ZNF385D: variants seen among roughly 807,000 people sequenced by gnomAD.
The protein encoded by ZNF385D is zinc finger protein 385D, also known as zinc finger protein 659.
A neutral mutation model predicts 35.8 loss-of-function variants in ZNF385D; 15 were observed. The observed-to-expected ratio is 0.42, with a 90% CI of 0.28 to 0.64. The LOEUF is 0.64. Among genes scored for constraint, ZNF385D ranks in the 30% least tolerant of loss-of-function variants. The probability of loss-of-function intolerance (pLI) is 0.23; values close to 1 mark genes in which losing one functional copy is unlikely to be tolerated. For synonymous variants in ZNF385D, 212 were observed against 186.8 expected (o/e 1.13, Z -1.10); for missense variants, 474 against 494.6 (o/e 0.96, Z 0.39).
At chr3:22,185,309 C>T (rs1559436720) in intron 2 of ZNF385D, among the ~76,000 whole-genome samples, 1 of 152,142 alleles carries the variant, frequency 6.6e-6, no homozygotes, top group Non-Finnish European at 1.5e-5. Flanking sequence ...TTGTGTCATA[C>T]TCGTTTGTAA....
intron 3 of ZNF385D, among the ~76,000 whole-genome samples, chr3:21,523,973 C>T (rs1361014029): frequency 6.6e-6 from 1 of 152,098 alleles, no homozygotes; most frequent in East Asian, 1.9e-4. Context: ...AATGAGTAAT[C>T]ATTTGGCTAA....
At chr3:22,162,562 T>C (rs887733865) in intron 3 of ZNF385D, among the ~76,000 whole-genome samples, 8 of 152,146 alleles carry the variant, frequency 5.3e-5, no homozygotes, top group African/African-American at 1.9e-4. Flanking sequence ...TTTATAGGCA[T>C]AACAAGACAG....
chr3:21,482,900 A>G (rs1341984849), intron 4 of ZNF385D, among the ~76,000 whole-genome samples: 1 of 152,146 alleles, frequency 6.6e-6, no homozygotes, highest in East Asian at 1.9e-4. Flanking sequence ...TCTGTGTAGT[A>G]TTCATCTAGA....
At chr3:21,436,187 A>G (rs1054443344) in intron 5 of ZNF385D, among the ~76,000 whole-genome samples, 1 of 151,854 alleles carries the variant, frequency 6.6e-6, no homozygotes, top group Admixed American at 6.6e-5. Flanking sequence ...ATGAGGGGGT[A>G]TATATATATA....
At chr3:22,357,924 G>A (rs910119664) in intron 2 of ZNF385D, among the ~76,000 whole-genome samples, 1 of 151,800 alleles carries the variant, frequency 6.6e-6, no homozygotes, top group African/African-American at 2.4e-5. Flanking sequence ...AGAAATATTA[G>A]GAAACAGATT....
rs963744864 is a variant in ZNF385D at position 22,072,110 on chromosome 3, G to A, written c.325+96707C>T. Among the ~76,000 whole-genome samples, 77 of 152,020 alleles carry A rather than the reference G, an allele frequency of 5.1e-4. 1 individual carries two copies. The highest frequency in any genetic ancestry group is 1.7e-3 in the African/African-American group (72 of 41,494). ...ATATTAGTAACTATGATGAAATTAG[G>A]CATTGAAGAAACAGAATCATGAGAT... On this transcript the variant is annotated intron_variant, in intron 3 of 5. Coordinates refer to the ZNF385D transcript ENST00000494108.
At chr3:21,791,698 G>T (rs1022891965) in intron 3 of ZNF385D, among the ~76,000 whole-genome samples, 1 of 152,136 alleles carries the variant, frequency 6.6e-6, no homozygotes, top group Non-Finnish European at 1.5e-5. Flanking sequence ...TTAAGTAATA[G>T]TTACTCACAG....
chr3:21,515,888 A>C lies in ZNF385D; in HGVS notation c.277-4865T>G, dbSNP rs183499197. Among the ~76,000 whole-genome samples, 20 of 152,328 alleles carry C rather than the reference A, an allele frequency of 1.3e-4. No homozygotes were observed. In the South Asian group the frequency reaches 3.9e-3, roughly 30 times the overall value. On this transcript the variant is annotated intron_variant, in intron 3 of 7. Coordinates refer to ENST00000281523, the MANE Select transcript of ZNF385D (RefSeq NM_024697.3). ...TACTGCACAGGAGTCATGTGGCCAG[A>C]GGTCACAAGATTTGTGACTTCCCCA...
At position 21,663,915 on chromosome 3, in the gene ZNF385D, A is replaced by ATATATATATATATT. The variant is rs1159950305; in HGVS notation, c.165+970_165+971insAATATATATATATA. On this transcript the variant is annotated intron_variant, in intron 2 of 7. Coordinates refer to ENST00000281523, the MANE Select transcript of ZNF385D (RefSeq NM_024697.3). Reference sequence around the variant, plus strand: ...AATATATATATATATATATATATATATATTTATTTATTTAAATCCATCATG... The same window carrying ATATATATATATATT: ...AATATATATATATATATATATATATATATATATATATATTTATTTATTTATTTAAATCCATCATG... Among the ~76,000 whole-genome samples, 211 of 105,850 alleles carry ATATATATATATATT rather than the reference A, an allele frequency of 2.0e-3. 3 individuals carry two copies. The highest frequency in any genetic ancestry group is 7.0e-3 in the African/African-American group (186 of 26,578). 69.4% of individuals were successfully genotyped at this position (105,850 alleles called of 152,430 possible).
chr3:21,891,508 C>CT (rs142641136), intron 3 of ZNF385D, among the ~76,000 whole-genome samples: 1 of 151,992 alleles, frequency 6.6e-6, no homozygotes, highest in Non-Finnish European at 1.5e-5. Context: ...TGTTTACTAT[C>CT]TTTTTTCCTC....
chr3:22,098,932 T>C (rs1050134812), intron 3 of ZNF385D, among the ~76,000 whole-genome samples: 10 of 152,036 alleles, frequency 6.6e-5, no homozygotes, highest in African/African-American at 2.4e-4. Flanking sequence ...TTGCCTACTA[T>C]TTAAGCCAGA....
intron 3 of ZNF385D, among the ~76,000 whole-genome samples, chr3:21,995,561 G>A (rs186083847): frequency 6.6e-6 from 1 of 152,160 alleles, no homozygotes; most frequent in Non-Finnish European, 1.5e-5. Flanking sequence ...GTGCATGAGT[G>A]CTGGTGGCAG....
intron 3 of ZNF385D, among the ~76,000 whole-genome samples, chr3:22,144,668 A>G (rs1171722208): frequency 6.6e-6 from 1 of 151,530 alleles, no homozygotes; most frequent in Non-Finnish European, 1.5e-5. Flanking sequence ...TCATTAGTAG[A>G]TATCACCAAT....
intron 1 of ZNF385D, among the ~76,000 whole-genome samples, chr3:21,708,746 T>A (rs2067995462): frequency 6.6e-6 from 1 of 152,162 alleles, no homozygotes; most frequent in South Asian, 2.1e-4. Flanking sequence ...AGCAATACAT[T>A]TAGTTTTCTA....
At chr3:22,046,794 T>C (rs1699030182) in intron 3 of ZNF385D, among the ~76,000 whole-genome samples, 1 of 152,146 alleles carries the variant, frequency 6.6e-6, no homozygotes, top group South Asian at 2.1e-4. Flanking sequence ...AAAGGCACTT[T>C]TCTAAGTCGA....
At chr3:22,008,753 TGTGA>T (rs63222761) in intron 3 of ZNF385D, among the ~76,000 whole-genome samples, 2,886 of 152,276 alleles carry the variant, frequency 0.019, 49 homozygotes, top group East Asian at 0.045. Context: ...TTACACACAC[TGTGA>T]GTAACAAGGA....
chr3:22,235,579 C>T (rs1363441349), intron 2 of ZNF385D, among the ~76,000 whole-genome samples: 1 of 151,936 alleles, frequency 6.6e-6, no homozygotes, highest in Admixed American at 6.6e-5. Context: ...TTAAAGAGGC[C>T]TTGTAAAATA....
rs532320856 is a variant in ZNF385D, at chr3:22,273,751, G to A, written c.106+98699C>T. Among the ~76,000 whole-genome samples, 24 of 152,050 alleles carry A rather than the reference G, an allele frequency of 1.6e-4. No homozygotes were observed. In the South Asian group the frequency reaches 3.5e-3, roughly 22 times the overall value. ...ATTTACAGATCAGGAAGTTGAATAC[G>A]CAAATGGCAAAACTATTCCACAGGA... On this transcript the variant is annotated intron_variant, in intron 2 of 5. Coordinates refer to the ZNF385D transcript ENST00000494108.
At chr3:22,200,378 C>T (rs1366136739) in intron 2 of ZNF385D, among the ~76,000 whole-genome samples, 1 of 151,928 alleles carries the variant, frequency 6.6e-6, no homozygotes, top group African/African-American at 2.4e-5. Flanking sequence ...CCATGATGCC[C>T]CACAAGCCGT....
Sources: gnomAD v4.1 joint callset for allele counts (sites outside exome capture counted in the v4.1 genomes callset) on GRCh38, gnomAD v4.1.1 for gene constraint, MANE v1.5 for transcripts, NCBI Gene and HGNC (gene_info 2026-07-23, HGNC 2026-07-21) for gene names.